Variants in CNTNAP4 observed in about 807,000 individuals in gnomAD.
CNTNAP4 encodes contactin associated protein family member 4.
A neutral mutation model predicts 148.4 loss-of-function variants in CNTNAP4; 98 were observed. That is an observed-to-expected ratio of 0.66 (90% confidence interval 0.56 to 0.78). The LOEUF (loss-of-function observed/expected upper bound fraction) is 0.78, where lower values mean the gene tolerates loss of function less well. Among genes scored for constraint, CNTNAP4 ranks in the 30% least tolerant of loss-of-function variants. CNTNAP4 has a pLI of 0.00. For missense variants in CNTNAP4, 1,935 were observed against 1,565.6 expected (o/e 1.24, Z -3.98); for synonymous variants, 730 against 565.1 (o/e 1.29, Z -4.14).
chr16:76,344,977 T>TGCCAAGG (rs1964785432), intron 2 of CNTNAP4, among the ~76,000 whole-genome samples: 2 of 152,342 alleles, frequency 1.3e-5, no homozygotes, highest in East Asian at 3.9e-4. Context: ...TGGATCTCTG[T>TGCCAAGG]GCCAAGGACA....
At chr16:76,306,899 G>T (rs1349071401) in intron 1 of CNTNAP4, among the ~76,000 whole-genome samples, 1 of 152,132 alleles carries the variant, frequency 6.6e-6, no homozygotes. Context: ...ATAGGCAGAG[G>T]TACATCAAGT....
At chr16:76,421,899 T>C (rs1304089951) in intron 3 of CNTNAP4, among the ~76,000 whole-genome samples, 2 of 152,112 alleles carry the variant, frequency 1.3e-5, no homozygotes, top group African/African-American at 2.4e-5. Context: ...TGTGCAACTA[T>C]GTGTAACGGG....
intron 10 of CNTNAP4, among the ~76,000 whole-genome samples, chr16:76,470,041 G>C (rs996140048): frequency 2.0e-5 from 3 of 152,086 alleles, no homozygotes; most frequent in Non-Finnish European, 4.4e-5. Context: ...AAGCACTTAA[G>C]ATGAATGAGC....
At chr16:76,502,779 T>C (rs1050001609) in intron 15 of CNTNAP4, among the ~76,000 whole-genome samples, 1 of 152,128 alleles carries the variant, frequency 6.6e-6, no homozygotes, top group African/African-American at 2.4e-5. Flanking sequence ...GTGTCATTCA[T>C]TGAGACAGGA....
chr16:76,289,740 T>C (rs895941579), intron 1 of CNTNAP4, among the ~76,000 whole-genome samples: 3 of 152,070 alleles, frequency 2.0e-5, no homozygotes, highest in African/African-American at 7.2e-5. Flanking sequence ...CTGGCTAATT[T>C]TTGTACATTT....
chr16:76,492,588 T>C (rs1318854421), intron 13 of CNTNAP4, among the ~76,000 whole-genome samples: 1 of 152,090 alleles, frequency 6.6e-6, no homozygotes, highest in Non-Finnish European at 1.5e-5. Context: ...ATTGTAATAA[T>C]CCTCACGTGT....
chr16:76,408,383 A>G (rs943552570), intron 3 of CNTNAP4, among the ~76,000 whole-genome samples: 1 of 144,702 alleles, frequency 6.9e-6, no homozygotes, highest in African/African-American at 2.4e-5. Context: ...TCTATTAACA[A>G]TTAACAGTTG....
intron 2 of CNTNAP4, among the ~76,000 whole-genome samples, chr16:76,344,096 C>T (rs1184218419): frequency 6.6e-6 from 1 of 152,166 alleles, no homozygotes; most frequent in East Asian, 1.9e-4. Context: ...TCTGAATTCT[C>T]TTTGCATACC....
At chr16:76,522,011 G>C in intron 16 of CNTNAP4, 28 bp from the exon 17 acceptor site, 2 of 1,607,698 alleles carry the variant, frequency 1.2e-6, no homozygotes, top group Middle Eastern at 1.7e-4. Context: ...GAACTCACTA[G>C]AACAATCTTT....
chr16:76,521,060 A>G, intron 15 of CNTNAP4, 80 bp from the exon 16 acceptor site: 1 of 1,304,268 alleles, frequency 7.7e-7, no homozygotes, highest in Non-Finnish European at 1.1e-6. Flanking sequence ...TAAAAATAGA[A>G]CATGTAATTG....
chr16:76,457,211 C>T lies in CNTNAP4; in HGVS notation c.1333+4442C>T, dbSNP rs371221147. 5.3e-5 allele frequency among the ~76,000 whole-genome samples: 8 copies of T among 152,168 alleles called. No homozygotes were observed. The South Asian group carries it at 8.3e-4, about 16-fold the overall frequency. ...GCCAACCTATTATCAGACCTAGTAA[C>T]GGAAAGGAGTTGTATAGCTACAAAA... On this transcript the variant is annotated intron_variant, in intron 8 of 23. Transcript: ENST00000611870.
At chr16:76,479,322 A>G (rs1269154110) in intron 11 of CNTNAP4, 97 bp from the exon 12 acceptor site, 5 of 1,140,288 alleles carry the variant, frequency 4.4e-6, no homozygotes, top group Non-Finnish European at 6.1e-6. Flanking sequence ...AGTAATGTAC[A>G]TTTTAAATTT....
chr16:76,482,408 A>C (rs2081867122), intron 12 of CNTNAP4, among the ~76,000 whole-genome samples: 1 of 151,196 alleles, frequency 6.6e-6, no homozygotes, highest in South Asian at 2.1e-4. Flanking sequence ...TTAAGGTGAA[A>C]GATCATAAGC....
chr16:76,328,686 C>A (rs1031470875), intron 2 of CNTNAP4, among the ~76,000 whole-genome samples: 1 of 151,508 alleles, frequency 6.6e-6, no homozygotes, highest in Non-Finnish European at 1.5e-5. Context: ...GCTCTTGTTT[C>A]CCATGCTGGA....
rs565593654 is a variant in CNTNAP4 at position 76,515,812 on chromosome 16, T to C, written c.2366-5328T>C. On this transcript the variant is annotated intron_variant, in intron 15 of 23. Coordinates refer to ENST00000611870, the MANE Select transcript of CNTNAP4 (RefSeq NM_033401.5). ...AAAGGACTAAGATTTAAAAAAAAAA[T>C]AGTGCCAACACAAAATACTGGTCAG... Among the ~76,000 whole-genome samples the C allele has an allele frequency of 8.6e-5, 13 of 152,018 alleles. No individual in the cohort carries two copies. In the East Asian group the frequency reaches 1.4e-3, roughly 16 times the overall value.
chr16:76,437,573 T>G (rs2079877876), intron 4 of CNTNAP4, among the ~76,000 whole-genome samples: 2 of 152,054 alleles, frequency 1.3e-5, no homozygotes, highest in African/African-American at 4.8e-5. Context: ...TATGTTTGAA[T>G]GAATGGGTTC....
chr16:76,489,949 G>T (rs2082154473), intron 13 of CNTNAP4, 66 bp downstream of exon 13: 2 of 1,131,818 alleles, frequency 1.8e-6, no homozygotes, highest in South Asian at 4.9e-5. Context: ...ACTAGCTCCT[G>T]AGAATTTTAA....
chr16:76,436,398 G>C (rs2079827335), intron 4 of CNTNAP4, among the ~76,000 whole-genome samples: 1 of 152,224 alleles, frequency 6.6e-6, no homozygotes, highest in African/African-American at 2.4e-5. Context: ...CATTTTAACA[G>C]TAGACATGGC....
intron 3 of CNTNAP4, among the ~76,000 whole-genome samples, chr16:76,371,173 G>A (rs141941663): frequency 5.9e-4 from 90 of 152,326 alleles, no homozygotes; most frequent in African/African-American, 2.1e-3. Flanking sequence ...GGAAAAAATA[G>A]CAAACATCTT....
Sources: gnomAD v4.1 joint callset for allele counts (sites outside exome capture counted in the v4.1 genomes callset) on GRCh38, gnomAD v4.1.1 for gene constraint, MANE v1.5 for transcripts, NCBI Gene and HGNC (gene_info 2026-07-23, HGNC 2026-07-21) for gene names.